The following GDAP2 variants were observed in gnomAD, a reference collection of about 807,000 sequenced individuals.
GDAP2 encodes the protein ganglioside induced differentiation associated protein 2.
A neutral mutation model predicts 67.0 loss-of-function variants in GDAP2; 51 were observed. That is an observed-to-expected ratio of 0.76 (90% CI 0.61 to 0.96). The LOEUF (loss-of-function observed/expected upper bound fraction) is 0.96, where lower values mean the gene tolerates loss of function less well. Ranked by LOEUF, GDAP2 falls within the 40% of genes least tolerant of loss-of-function variation. The pLI is 0.00. For missense variants in GDAP2, 547 were observed against 588.3 expected, an observed-to-expected ratio of 0.93 and a Z score of 0.73; for synonymous variants, 203 against 207.3, an observed-to-expected ratio of 0.98 and a Z score of 0.18.
At chr1:117,921,790 G>C (rs914144046) in intron 1 of GDAP2, among the ~76,000 whole-genome samples, 1 of 151,854 alleles carries the variant, frequency 6.6e-6, no homozygotes, top group African/African-American at 2.4e-5. Context: ...ACTGAGATGG[G>C]GCAAGAGTAG....
At chr1:117,877,956 T>C (rs766995193) in intron 13 of GDAP2, 53 bp downstream of exon 13, 11 of 1,603,746 alleles carry the variant, frequency 6.9e-6, no homozygotes, top group Non-Finnish European at 9.4e-6. Flanking sequence ...TGCTGCTCTA[T>C]AGAACAGTTA....
At chr1:117,922,132 T>C (rs1157777382) in intron 1 of GDAP2, among the ~76,000 whole-genome samples, 5 of 152,190 alleles carry the variant, frequency 3.3e-5, no homozygotes, top group Admixed American at 6.5e-5. Context: ...AAATTGGTTA[T>C]ATGAGGCTAG....
intron 1 of GDAP2, among the ~76,000 whole-genome samples, chr1:117,922,531 C>T (rs1183530349): frequency 6.6e-6 from 1 of 152,026 alleles, no homozygotes. Flanking sequence ...TAAGTGTTGG[C>T]CGGTCTGAGA....
intron 13 of GDAP2, 24 bp downstream of exon 13, chr1:117,877,984 AG>A (rs781333774): frequency 1.2e-6 from 2 of 1,612,268 alleles, no homozygotes; most frequent in Non-Finnish European, 1.7e-6. Flanking sequence ...ATACCAGGTG[AG>A]GGAGAACTTC....
chr1:117,871,560 C>T (rs967031968), intron 13 of GDAP2, among the ~76,000 whole-genome samples: 3 of 152,122 alleles, frequency 2.0e-5, no homozygotes, highest in Non-Finnish European at 4.4e-5. Flanking sequence ...ATAGCTACTA[C>T]AGAGCATTAA....
intron 1 of GDAP2, among the ~76,000 whole-genome samples, chr1:117,925,405 A>T (rs1468869719): frequency 6.6e-6 from 1 of 152,164 alleles, no homozygotes; most frequent in Non-Finnish European, 1.5e-5. Context: ...GTGAGCTGAG[A>T]TCACACCACT....
At chr1:117,904,410 T>C (rs1325157268) in intron 6 of GDAP2, among the ~76,000 whole-genome samples, 2 of 152,364 alleles carry the variant, frequency 1.3e-5, no homozygotes, top group Admixed American at 6.5e-5. Context: ...GTGACAGTAT[T>C]CTTTCATCTT....
chr1:117,864,264 G>A lies in GDAP2; in HGVS notation c.*6305C>T, dbSNP rs1647989539. 1 of 152,202 alleles carries A rather than the reference G, an allele frequency of 6.6e-6. No individual in the cohort carries two copies. Among genetic ancestry groups the A allele is most frequent in the African/African-American group, 2.4e-5 (1 of 41,440 alleles). The allele number at this position is 152,202 out of a possible 1,614,324, so 9.4% of individuals were successfully genotyped here. The stretch of plus-strand genomic sequence containing the variant: ...CAGTGCTTAGGTTTGTATTTGTATT[G>A]ACTTCCCTGTTAAGGCCCAGTTCTA... On this transcript the variant is annotated 3_prime_UTR_variant, in exon 14 of 14. Coordinates refer to ENST00000369443, the MANE Select transcript of GDAP2 (RefSeq NM_017686.4).
Position 117,868,755 on chromosome 1 carries a change from A to G in GDAP2, c.*1814T>C, listed in dbSNP as rs1248231846. The G allele has an allele frequency of 1.3e-5, 2 of 152,288 alleles. No individual in the cohort carries two copies. The highest frequency in any genetic ancestry group is 2.1e-4 in the South Asian group (1 of 4,824). 9.4% of individuals were successfully genotyped at this position (152,288 alleles called of 1,614,324 possible). A position where few individuals can be genotyped will look rare whatever the true frequency, so the allele number is the denominator to read the frequency against. ...ACAGTGCCCAAGGGGTTAAAAAAAA[A>G]GTACTGTTTGAGAGAAAGCTTAACA... On this transcript the variant is annotated 3_prime_UTR_variant, in exon 14 of 14. Transcript: ENST00000369443.
chr1:117,920,937 C>G (rs1650228227), intron 1 of GDAP2, among the ~76,000 whole-genome samples: 1 of 151,824 alleles, frequency 6.6e-6, no homozygotes, highest in Non-Finnish European at 1.5e-5. Context: ...ATTTAAGAGG[C>G]AAAATACAAA....
chr1:117,907,065 C>A lies in GDAP2; in HGVS notation c.560-483G>T, dbSNP rs191261867. On this transcript the variant is annotated intron_variant, in intron 5 of 13. Coordinates refer to ENST00000369443, the MANE Select transcript of GDAP2 (RefSeq NM_017686.4). ...GTATTAGATATCCTACCCAGTCCTT[C>A]AGACCCTGACAAAACTCCACAAAAC... 8.5e-5 allele frequency among the ~76,000 whole-genome samples: 13 copies of A among 152,300 alleles called. No individual in the cohort carries two copies. The East Asian group carries it at 9.7e-4, about 11-fold the overall frequency.
chr1:117,900,512 A>T (rs1393088713), intron 6 of GDAP2, among the ~76,000 whole-genome samples: 1 of 152,184 alleles, frequency 6.6e-6, no homozygotes, highest in East Asian at 1.9e-4. Context: ...TCATGCCTGT[A>T]ATCACAGCAT....
Position 117,863,917 on chromosome 1 carries a change from G to C in GDAP2, c.*6652C>G, listed in dbSNP as rs1046901029. 1 of 152,154 alleles carries C rather than the reference G, an allele frequency of 6.6e-6. No individual in the cohort carries two copies. Among genetic ancestry groups the C allele is most frequent in the Non-Finnish European group, 1.5e-5 (1 of 68,024 alleles). 9.4% of individuals were successfully genotyped at this position (152,154 alleles called of 1,614,324 possible). A position where few individuals can be genotyped will look rare whatever the true frequency, so the allele number is the denominator to read the frequency against. On this transcript the variant is annotated 3_prime_UTR_variant, in exon 14 of 14. Coordinates refer to ENST00000369443, the MANE Select transcript of GDAP2 (RefSeq NM_017686.4). ...ATGCTTTATGTACATTATTGCATTTGTTCCTCCTAATTATTCAATTAATAT... is the reference window on the plus strand; with the variant it reads ...ATGCTTTATGTACATTATTGCATTTCTTCCTCCTAATTATTCAATTAATAT...
chr1:117,875,474 G>A (rs749244823), intron 13 of GDAP2, among the ~76,000 whole-genome samples: 1 of 152,252 alleles, frequency 6.6e-6, no homozygotes, highest in Non-Finnish European at 1.5e-5. Flanking sequence ...TTCCCAGATA[G>A]AAGTCTGCTC....
At chr1:117,881,931 C>A in intron 11 of GDAP2, 54 bp from the exon 12 acceptor site, 2 of 904,396 alleles carry the variant, frequency 2.2e-6, no homozygotes, top group South Asian at 2.6e-5. Context: ...TGCCTAAAAC[C>A]AATTACTATT....
intron 1 of GDAP2, among the ~76,000 whole-genome samples, chr1:117,924,179 G>A (rs908971477): frequency 6.6e-6 from 1 of 152,178 alleles, no homozygotes; most frequent in Non-Finnish European, 1.5e-5. Context: ...GGTTAGTTAT[G>A]TAGGTAAATT....
intron 9 of GDAP2, among the ~76,000 whole-genome samples, chr1:117,887,122 G>T (rs1331801602): frequency 6.6e-6 from 1 of 151,842 alleles, no homozygotes; most frequent in African/African-American, 2.4e-5. Context: ...TAGAGATGGG[G>T]TCTCACCATG....
At chr1:117,916,771 C>T (rs900239867) in intron 3 of GDAP2, among the ~76,000 whole-genome samples, 10 of 152,142 alleles carry the variant, frequency 6.6e-5, no homozygotes, top group African/African-American at 2.2e-4. Flanking sequence ...TGGTGGCTTA[C>T]GCCTGTAATC....
At chr1:117,877,563 T>A in intron 13 of GDAP2, 5 of 975,934 alleles carry the variant, frequency 5.1e-6, no homozygotes, top group Non-Finnish European at 4.9e-6. Context: ...AAAAACATTA[T>A]ACAACCTTTT....
Sources: allele counts gnomAD v4.1 joint callset (sites outside exome capture counted in the v4.1 genomes callset), GRCh38; gene constraint gnomAD v4.1.1; transcripts MANE v1.5; gene names NCBI Gene and HGNC (gene_info 2026-07-23, HGNC 2026-07-21).